ZMYND11: variants seen among roughly 807,000 people sequenced by gnomAD.
ZMYND11 encodes zinc finger MYND domain-containing protein 11.
In ZMYND11, 9 loss-of-function variants were observed where a neutral mutation model predicts 84.9. That is an observed-to-expected ratio of 0.11 (90% CI 0.06 to 0.18). The LOEUF (loss-of-function observed/expected upper bound fraction) is 0.18. ZMYND11 is among the 10% of genes least tolerant of loss of function. ZMYND11 has a pLI of 1.00. For synonymous variants in ZMYND11, 250 were observed against 244.1 expected (o/e 1.02, Z -0.23); for missense variants, 409 against 761.0 (o/e 0.54, Z 5.44).
intron 1 of ZMYND11, among the ~76,000 whole-genome samples, chr10:166,417 A>G (rs1021407646): frequency 3.3e-5 from 5 of 152,130 alleles, no homozygotes; most frequent in Admixed American, 6.6e-5. Context: ...AGACAACCCA[A>G]TTAAAAATGG....
At chr10:211,134 A>G (rs1476057350) in intron 3 of ZMYND11, among the ~76,000 whole-genome samples, 2 of 152,064 alleles carry the variant, frequency 1.3e-5, no homozygotes, top group Non-Finnish European at 1.5e-5. Flanking sequence ...TAGGGCTGCA[A>G]TGAGCTATGG....
At position 192,907 on chromosome 10, in the gene ZMYND11, A is replaced by G. The variant is rs564808592; in HGVS notation, c.116+12779A>G. Among the ~76,000 whole-genome samples the G allele has an allele frequency of 7.0e-4, 107 of 152,192 alleles. 3 individuals carry two copies. In the Middle Eastern group the frequency reaches 0.014, roughly 19 times the overall value. On this transcript the variant is annotated intron_variant, in intron 2 of 14. Transcript: ENST00000381604. ...TTGTTACCTTTTTCTGTTGATTTAC[A>G]CGGGGTGCTCTTTATTCTAAACATT...
At chr10:249,964 A>G (rs1431055499) in intron 14 of ZMYND11, among the ~76,000 whole-genome samples, 1 of 152,200 alleles carries the variant, frequency 6.6e-6, no homozygotes, top group Admixed American at 6.5e-5. Flanking sequence ...ATTGTTAACA[A>G]AAGACCAGGA....
chr10:241,422 C>T (rs1024086128), intron 9 of ZMYND11, among the ~76,000 whole-genome samples: 2 of 152,212 alleles, frequency 1.3e-5, no homozygotes, highest in Admixed American at 6.5e-5. Flanking sequence ...AAGCAGTCCT[C>T]CCGCCTCGGC....
At chr10:161,312 T>C (rs1253004849) in intron 1 of ZMYND11, among the ~76,000 whole-genome samples, 3 of 152,246 alleles carry the variant, frequency 2.0e-5, no homozygotes, top group African/African-American at 2.4e-5. Flanking sequence ...ATTAAAATAT[T>C]CTGTAAACCA....
rs576025925 is a variant in ZMYND11 at position 173,046 on chromosome 10, AAAG to A, written c.-19-6942_-19-6940del. 2.6e-3 allele frequency among the ~76,000 whole-genome samples: 402 copies of A among 152,248 alleles called. 5 individuals carry two copies. Among genetic ancestry groups the A allele is most frequent in the African/African-American group, 7.6e-3 (314 of 41,576 alleles). On this transcript the variant is annotated intron_variant, in intron 1 of 14. Coordinates refer to ENST00000381604, the MANE Select transcript of ZMYND11 (RefSeq NM_001370100.5). ...GACATCCACTTTCAGAAAAAAAAAA[AAAG>A]AAGAATCATCTAGGCAAAGACCTTA...
At chr10:234,612 A>G (rs1949605984) in intron 4 of ZMYND11, among the ~76,000 whole-genome samples, 1 of 152,192 alleles carries the variant, frequency 6.6e-6, no homozygotes, top group Non-Finnish European at 1.5e-5. Flanking sequence ...AATGACATTG[A>G]TATTTGAAAT....
chr10:157,017 A>C (rs1445054815), intron 1 of ZMYND11, among the ~76,000 whole-genome samples: 2 of 152,162 alleles, frequency 1.3e-5, no homozygotes, highest in African/African-American at 2.4e-5. Context: ...TGAATTTTAC[A>C]ATTAACACTT....
intron 1 of ZMYND11, among the ~76,000 whole-genome samples, chr10:139,693 T>G (rs1352481566): frequency 6.7e-6 from 1 of 150,048 alleles, no homozygotes; most frequent in Non-Finnish European, 1.5e-5. Context: ...AACTTAAACT[T>G]ACACATGGTC....
intron 1 of ZMYND11, among the ~76,000 whole-genome samples, chr10:150,298 T>C (rs1164520280): frequency 2.6e-5 from 4 of 152,204 alleles, no homozygotes; most frequent in Non-Finnish European, 4.4e-5. Flanking sequence ...GAGCCTGTTA[T>C]TGGTCTATTC....
At chr10:179,914 C>A in intron 1 of ZMYND11, 80 bp from the exon 2 acceptor site, 1 of 770,820 alleles carries the variant, frequency 1.3e-6, no homozygotes, top group Non-Finnish European at 2.1e-6. Context: ...GTTGAGAGGT[C>A]CTGATAATGT....
chr10:218,225 C>T (rs576662223), intron 3 of ZMYND11, among the ~76,000 whole-genome samples: 1 of 152,064 alleles, frequency 6.6e-6, no homozygotes. Context: ...TTAGTTGAAA[C>T]GTTTCCTCTA....
Position 221,096 on chromosome 10 carries a change from T to G in ZMYND11, c.277-99T>G, listed in dbSNP as rs1221346213. Reference sequence around the variant, plus strand: ...ACAGTAAATGTCTTTAAATTGTTTATGATGCCTAACTTCTGATGGACATTA... The same window carrying G: ...ACAGTAAATGTCTTTAAATTGTTTAGGATGCCTAACTTCTGATGGACATTA... On this transcript the variant is annotated intron_variant, in intron 3 of 14. Coordinates refer to ENST00000381604, the MANE Select transcript of ZMYND11 (RefSeq NM_001370100.5). The G allele has an allele frequency of 1.0e-5, 11 of 1,058,362 alleles. No homozygotes were observed. The Admixed American group carries it at 2.1e-4, about 20-fold the overall frequency. 65.6% of individuals were successfully genotyped at this position (1,058,362 alleles called of 1,614,324 possible).
chr10:205,118 T>C (rs1270006035), intron 2 of ZMYND11, among the ~76,000 whole-genome samples: 1 of 152,188 alleles, frequency 6.6e-6, no homozygotes, highest in Non-Finnish European at 1.5e-5. Flanking sequence ...CTGATGTTTT[T>C]CTGGGGAAGC....
intron 3 of ZMYND11, among the ~76,000 whole-genome samples, chr10:214,168 A>C (rs1471554552): frequency 6.6e-6 from 1 of 152,162 alleles, no homozygotes; most frequent in African/African-American, 2.4e-5. Context: ...ACTGTGGTAA[A>C]ATTAGGTAAT....
At position 253,146 on chromosome 10, in the gene ZMYND11, TTTACTGAGC is replaced by T. The variant is rs1198767862; in HGVS notation, c.*678_*686del. On this transcript the variant is annotated 3_prime_UTR_variant, in exon 15 of 15. Coordinates refer to ENST00000381604, the MANE Select transcript of ZMYND11 (RefSeq NM_001370100.5). Reference sequence around the variant, plus strand: ...AAATTGCAGGGAACTGGGGTAATCTTTTACTGAGCTGGATCTTAGAGAAAATGAATATTT... The same window carrying T: ...AAATTGCAGGGAACTGGGGTAATCTTTGGATCTTAGAGAAAATGAATATTT... 1.3e-5 allele frequency: 2 copies of T among 152,678 alleles called. No homozygotes were observed. The highest frequency in any genetic ancestry group is 2.9e-5 in the Non-Finnish European group (2 of 68,044). 9.5% of individuals were successfully genotyped at this position (152,678 alleles called of 1,614,324 possible).
At chr10:221,703 A>C (rs937516535) in intron 4 of ZMYND11, among the ~76,000 whole-genome samples, 9 of 152,202 alleles carry the variant, frequency 5.9e-5, no homozygotes, top group African/African-American at 2.2e-4. Context: ...TGTACAATTT[A>C]TGGTATTCAG....
At chr10:157,374 A>AT (rs1297333157) in intron 1 of ZMYND11, among the ~76,000 whole-genome samples, 5 of 152,060 alleles carry the variant, frequency 3.3e-5, no homozygotes, top group African/African-American at 1.2e-4. Flanking sequence ...TAATGTTTGT[A>AT]TTTTTTGTGG....
At chr10:165,909 T>G (rs1843898519) in intron 1 of ZMYND11, among the ~76,000 whole-genome samples, 2 of 152,088 alleles carry the variant, frequency 1.3e-5, no homozygotes, top group South Asian at 4.1e-4. Flanking sequence ...TAATATAGAT[T>G]TATAGTCTAG....
Sources: allele counts gnomAD v4.1 joint callset (sites outside exome capture counted in the v4.1 genomes callset), GRCh38; gene constraint gnomAD v4.1.1; transcripts MANE v1.5; gene names NCBI Gene and HGNC (gene_info 2026-07-23, HGNC 2026-07-21).